OXCT1: variants seen among roughly 807,000 people sequenced by gnomAD.
The protein encoded by OXCT1 is 3-oxoacid CoA-transferase 1.
A neutral mutation model predicts 69.6 loss-of-function variants in OXCT1; 27 were observed. That is an observed-to-expected ratio of 0.39 (90% CI 0.29 to 0.54). OXCT1 has a LOEUF of 0.54. Among genes scored for constraint, OXCT1 ranks in the 20% least tolerant of loss-of-function variants. The pLI is 0.72. For missense variants in OXCT1, 437 were observed against 650.2 expected (o/e 0.67, Z 3.57); for synonymous variants, 202 against 217.8 (o/e 0.93, Z 0.64).
chr5:41,864,820 T>C (rs942848055), intron 1 of OXCT1, among the ~76,000 whole-genome samples: 1 of 152,218 alleles, frequency 6.6e-6, no homozygotes, highest in Non-Finnish European at 1.5e-5. Context: ...AATAAATCTT[T>C]GTGAGTGTTC....
chr5:41,776,687 A>G (rs1745138900), intron 13 of OXCT1, among the ~76,000 whole-genome samples: 1 of 152,234 alleles, frequency 6.6e-6, no homozygotes, highest in East Asian at 1.9e-4. Context: ...ATTTACCAGA[A>G]CAGAGTATGC....
intron 13 of OXCT1, among the ~76,000 whole-genome samples, chr5:41,777,134 G>A (rs994751970): frequency 2.6e-5 from 4 of 152,062 alleles, no homozygotes; most frequent in African/African-American, 9.7e-5. Flanking sequence ...TTACAAAAAA[G>A]GGGCCGGGTG....
chr5:41,755,896 C>T (rs1744044409), intron 14 of OXCT1, among the ~76,000 whole-genome samples: 1 of 152,026 alleles, frequency 6.6e-6, no homozygotes, highest in South Asian at 2.1e-4. Context: ...AGACTGTAAA[C>T]ACAGTTGCAT....
chr5:41,791,651 T>G (rs770482544), intron 13 of OXCT1, among the ~76,000 whole-genome samples: 4 of 152,230 alleles, frequency 2.6e-5, no homozygotes, highest in Non-Finnish European at 4.4e-5. Context: ...AACACATTTC[T>G]GCTTCATACC....
chr5:41,744,999 G>C (rs1743394098), intron 15 of OXCT1, among the ~76,000 whole-genome samples: 1 of 152,056 alleles, frequency 6.6e-6, no homozygotes, highest in Non-Finnish European at 1.5e-5. Context: ...CAACGAGACA[G>C]AAAGGTAACA....
chr5:41,835,700 A>C (rs2112381634), intron 7 of OXCT1, among the ~76,000 whole-genome samples: 1 of 152,320 alleles, frequency 6.6e-6, no homozygotes, highest in Middle Eastern at 3.4e-3. Flanking sequence ...AAATAGTTGA[A>C]AGGGCCTTGG....
At chr5:41,810,433 G>A (rs1746914543) in intron 7 of OXCT1, among the ~76,000 whole-genome samples, 1 of 152,076 alleles carries the variant, frequency 6.6e-6, no homozygotes, top group Admixed American at 6.6e-5. Flanking sequence ...AGATCAAGAT[G>A]GAAGAGAGGT....
Position 41,739,402 on chromosome 5 carries a change from C to T in OXCT1, c.1509G>A (p.Gly503=), listed in dbSNP as rs560172270. 4.4e-6 allele frequency: 7 copies of T among 1,608,260 alleles called. No homozygotes were observed. In the Admixed American group the frequency reaches 6.7e-5, roughly 15 times the overall value. The change falls in exon 16 of 17, where the codon GGG becomes GGA. Residue 503 remains glycine, a synonymous_variant. Transcript: ENST00000196371. ...CAGAAATACTTACTGCAAAATCACACCCAGTACTCTTCTGTACGTCATCCA... is the reference window on the plus strand; with the variant it reads ...CAGAAATACTTACTGCAAAATCACATCCAGTACTCTTCTGTACGTCATCCA... ...LTVDDVQKST[G]CDFAVSPKLM...
rs80157068 is a variant in OXCT1, at chr5:41,855,903, C to G, written c.279-2349G>C. Among the ~76,000 whole-genome samples the G allele has an allele frequency of 1.9e-3, 290 of 152,222 alleles. 1 individual carries two copies. Among genetic ancestry groups the G allele is most frequent in the Non-Finnish European group, 3.3e-3 (223 of 68,008 alleles). The stretch of plus-strand genomic sequence containing the variant: ...ACAGACATAGGAAAAAAGAAAACAT[C>G]TCGAGAACAGTGTGTGGGGTGGAGG... On this transcript the variant is annotated intron_variant, in intron 3 of 16. Transcript: ENST00000196371.
rs114298906 is a variant in OXCT1 at position 41,795,313 on chromosome 5, T to C, written c.1100-564A>G. On this transcript the variant is annotated intron_variant, in intron 11 of 16. Transcript: ENST00000196371. ...GTGCAGCCTGGTTCCTAACAGGCCA[T>C]GGACCGGTACTGGTCCACAGCCCAG... Among the ~76,000 whole-genome samples, 761 of 152,334 alleles carry C rather than the reference T, an allele frequency of 5.0e-3. 3 individuals are homozygous for C. Among genetic ancestry groups the C allele is most frequent in the Non-Finnish European group, 7.8e-3 (534 of 68,032 alleles).
intron 5 of OXCT1, among the ~76,000 whole-genome samples, chr5:41,847,274 T>A (rs1748961818): frequency 6.6e-6 from 1 of 151,990 alleles, no homozygotes; most frequent in African/African-American, 2.4e-5. Flanking sequence ...GATCTGAAAT[T>A]GTGGCAATAA....
chr5:41,822,230 C>A (rs939484360), intron 7 of OXCT1, among the ~76,000 whole-genome samples: 1 of 151,996 alleles, frequency 6.6e-6, no homozygotes, highest in Non-Finnish European at 1.5e-5. Context: ...GGGATTCAGA[C>A]CCCTACTGGG....
At chr5:41,778,826 T>C (rs987906878) in intron 13 of OXCT1, among the ~76,000 whole-genome samples, 1 of 152,252 alleles carries the variant, frequency 6.6e-6, no homozygotes, top group Non-Finnish European at 1.5e-5. Flanking sequence ...TGACACAAAG[T>C]TCTTAGTTTT....
intron 7 of OXCT1, among the ~76,000 whole-genome samples, chr5:41,828,968 T>C (rs954775580): frequency 2.0e-5 from 3 of 152,190 alleles, no homozygotes; most frequent in Non-Finnish European, 2.9e-5. Flanking sequence ...GGCCGTGGGC[T>C]GTATTTTGTC....
chr5:41,850,124 G>A lies in OXCT1; in HGVS notation c.470C>T (p.Thr157Ile). 1 of 1,613,888 alleles carries A rather than the reference G, an allele frequency of 6.2e-7. No individual in the cohort carries two copies. Among genetic ancestry groups the A allele is most frequent in the East Asian group, 2.2e-5 (1 of 44,872 alleles). Residue 157 changes from threonine to isoleucine, a missense_variant, in exon 5 of 17, where the codon ACC (threonine) becomes ATC (isoleucine). By Grantham distance (89) the Thr-to-Ile change is moderately conservative. Around this residue, in one of 4 missense-constraint regions of OXCT1, gnomAD observed 252 missense variants for 397.4 expected, o/e 0.63. Transcript: ENST00000196371. ...AGGAGVPAFY[T>I]PTGYGTLVQE... ...TACCAGGGTCCCATACCCTGTTGGG[G>A]TGTAAAATGCAGGAACTCCAGCCCC...
chr5:41,848,188 A>C (rs1286165046), intron 5 of OXCT1, among the ~76,000 whole-genome samples: 2 of 152,016 alleles, frequency 1.3e-5, no homozygotes, highest in Admixed American at 6.6e-5. Flanking sequence ...CAATTGCTTC[A>C]AAGAGAATAA....
At chr5:41,869,321 A>G (rs1750163419) in intron 1 of OXCT1, among the ~76,000 whole-genome samples, 1 of 152,220 alleles carries the variant, frequency 6.6e-6, no homozygotes, top group Non-Finnish European at 1.5e-5. Flanking sequence ...GCTCAGACCT[A>G]TTACTGAATA....
At chr5:41,819,727 G>A (rs919558057) in intron 7 of OXCT1, among the ~76,000 whole-genome samples, 2 of 147,172 alleles carry the variant, frequency 1.4e-5, no homozygotes, top group Non-Finnish European at 3.0e-5. Context: ...ATTATTTTGT[G>A]AGAAATCATG....
chr5:41,865,731 G>A (rs1286697323), intron 1 of OXCT1, among the ~76,000 whole-genome samples: 1 of 152,134 alleles, frequency 6.6e-6, no homozygotes, highest in African/African-American at 2.4e-5. Flanking sequence ...TTCATGGGGG[G>A]AGAAGGTATT....
Sources: allele counts gnomAD v4.1 joint callset (sites outside exome capture counted in the v4.1 genomes callset), GRCh38; gene constraint gnomAD v4.1.1; regional missense constraint gnomAD v4.1.1; transcripts MANE v1.5; gene names NCBI Gene and HGNC (gene_info 2026-07-23, HGNC 2026-07-21).